The following PTGS1 variants were observed in gnomAD, a reference collection of about 807,000 sequenced individuals.
The protein encoded by PTGS1 is prostaglandin-endoperoxide synthase 1.
In PTGS1, 40 loss-of-function variants were observed where a neutral mutation model predicts 63.0. The observed-to-expected ratio is 0.63, with a 90% confidence interval of 0.49 to 0.83. The LOEUF (loss-of-function observed/expected upper bound fraction) is 0.83. PTGS1 is among the 40% of genes least tolerant of loss of function. PTGS1 has a pLI of 0.00. For missense variants in PTGS1, 709 were observed against 786.5 expected (o/e 0.90, Z 1.18); for synonymous variants, 298 against 301.9 (o/e 0.99, Z 0.13).
chr9:122,381,602 C>T (rs201340097), intron 6 of PTGS1, 50 bp downstream of exon 6: 31 of 1,612,788 alleles, frequency 1.9e-5, no homozygotes, highest in Admixed American at 5.0e-5. Flanking sequence ...ATTTGGCACG[C>T]GTATGTCATC....
rs538442576 is a variant in PTGS1 at position 122,381,745 on chromosome 9, C to T, written c.760C>T (p.Gln254Ter). Residue 254 changes from glutamine (Q) to a stop codon, truncating the protein, a stop_gained and splice_region_variant, in exon 7 of 11, where the codon CAG (glutamine) becomes TAG (stop). Coordinates refer to ENST00000362012, the MANE Select transcript of PTGS1 (RefSeq NM_000962.4). LOFTEE classifies it high-confidence loss of function. The part of the protein sequence containing the change: ...RLFKDGKLKY[Q>*]VLDGEMYPPS... Reference sequence around the variant, plus strand: ...CTTTAAGGATGGGAAACTCAAGTACCAGGTAGTGCTGGGCCAGGGGGTAGG... The same window carrying T: ...CTTTAAGGATGGGAAACTCAAGTACTAGGTAGTGCTGGGCCAGGGGGTAGG... 3 of 1,604,966 alleles carry T rather than the reference C, an allele frequency of 1.9e-6. No homozygotes were observed. The highest frequency in any genetic ancestry group is 2.2e-5 in the South Asian group (2 of 90,968).
In PTGS1 at chr9:122,393,731, T is replaced by G. The variant is rs1838421104; in HGVS notation, c.*1187T>G. On this transcript the variant is annotated 3_prime_UTR_variant, in exon 11 of 11. Coordinates refer to ENST00000362012, the MANE Select transcript of PTGS1 (RefSeq NM_000962.4). Reference sequence around the variant, plus strand: ...CCATTTCAAAACCAAGGAAGCAGCCTCAGAGTGGTCGAGTGACACACCTCA... The same window carrying G: ...CCATTTCAAAACCAAGGAAGCAGCCGCAGAGTGGTCGAGTGACACACCTCA... 2.0e-5 allele frequency: 3 copies of G among 152,230 alleles called. No homozygotes were observed. Among genetic ancestry groups the G allele is most frequent in the Admixed American group, 2.0e-4 (3 of 15,280 alleles). 9.4% of individuals were successfully genotyped at this position (152,230 alleles called of 1,614,324 possible). A position where few individuals can be genotyped will look rare whatever the true frequency, so the allele number is the denominator to read the frequency against.
chr9:122,383,809 A>T, intron 8 of PTGS1, 54 bp downstream of exon 8: 1 of 1,577,508 alleles, frequency 6.3e-7, no homozygotes, highest in South Asian at 1.1e-5. Context: ...CATCCTGAGA[A>T]GTTGGGGGCG....
chr9:122,379,514 C>A (rs1837387495), intron 5 of PTGS1, among the ~76,000 whole-genome samples: 1 of 152,236 alleles, frequency 6.6e-6, no homozygotes, highest in African/African-American at 2.4e-5. Context: ...CCAGTTCCTG[C>A]CACATGGTGG....
intron 2 of PTGS1, 31 bp from the exon 3 acceptor site, chr9:122,377,868 A>C (rs1249860621): frequency 6.3e-7 from 1 of 1,594,876 alleles, no homozygotes. Flanking sequence ...CCACCCTAGC[A>C]TGGTCTCTGA....
chr9:122,376,156 G>A (rs1354363438), intron 2 of PTGS1, among the ~76,000 whole-genome samples: 2 of 152,280 alleles, frequency 1.3e-5, no homozygotes, highest in African/African-American at 4.8e-5. Context: ...GGCGGGGGCT[G>A]GGGTACTGCC....
intron 2 of PTGS1, among the ~76,000 whole-genome samples, chr9:122,376,166 C>A (rs1313509717): frequency 6.6e-6 from 1 of 152,132 alleles, no homozygotes; most frequent in African/African-American, 2.4e-5. Context: ...GGGGTACTGC[C>A]AGGCCCTTTC....
rs200983255 is a variant in PTGS1, at chr9:122,378,424, C to A, written c.212-9C>A. On this transcript the variant is annotated splice_polypyrimidine_tract_variant and intron_variant, in intron 3 of 10. Transcript: ENST00000362012. ...GGGACCAACTGAGTGACTGCCATTGCCCCTGCAGCTGGCCTGTGGACCTGG... is the reference window on the plus strand; with the variant it reads ...GGGACCAACTGAGTGACTGCCATTGACCCTGCAGCTGGCCTGTGGACCTGG... 119 of 1,613,126 alleles carry A rather than the reference C, an allele frequency of 7.4e-5. No homozygotes were observed. In the African/African-American group the frequency reaches 1.5e-3, roughly 20 times the overall value.
At chr9:122,371,812 G>A in intron 2 of PTGS1, 1 of 1,534,234 alleles carries the variant, frequency 6.5e-7, no homozygotes, top group Non-Finnish European at 8.7e-7. Context: ...TCCCCATTGA[G>A]CAAATGAGGA....
At position 122,386,774 on chromosome 9, in the gene PTGS1, G is replaced by A. The variant is rs1317034521; in HGVS notation, c.1296+42G>A. On this transcript the variant is annotated intron_variant, in intron 9 of 10. Transcript: ENST00000362012. ...TGCTGGTGAGGGCAGGTGGGCTGAG[G>A]GATCCAGCAGACCTGGGTCCAAATT... is the stretch of plus-strand genomic sequence containing the variant. The A allele has an allele frequency of 1.6e-5, 26 of 1,599,558 alleles. No homozygotes were observed. In the Admixed American group the frequency reaches 4.0e-4, roughly 25 times the overall value.
At position 122,378,566 on chromosome 9, in the gene PTGS1, A is replaced by G. The variant is rs374026737; in HGVS notation, c.345A>G (p.Val115=). Residue 115 remains valine, a synonymous_variant, in exon 4 of 11, where the codon GTA becomes GTG. Coordinates refer to ENST00000362012, the MANE Select transcript of PTGS1 (RefSeq NM_000962.4). ...TCCGAGAGATGCTCATGCGCCTGGT[A>G]CTCACAGGTGGGTGTGGGGCAGGGC... ...TFIREMLMRL[V]LTVRSNLIPS... is the part of the protein sequence containing the mutation. 9.9e-6 allele frequency: 16 copies of G among 1,614,008 alleles called. No homozygotes were observed. Among genetic ancestry groups the G allele is most frequent in the Non-Finnish European group, 1.0e-5 (12 of 1,180,040 alleles).
intron 3 of PTGS1, 42 bp from the exon 4 acceptor site, chr9:122,378,391 T>G: frequency 6.2e-7 from 1 of 1,609,454 alleles, no homozygotes; most frequent in Non-Finnish European, 8.5e-7. Flanking sequence ...CTTCTGGTTC[T>G]GGTAGGAGGG....
intron 7 of PTGS1, among the ~76,000 whole-genome samples, chr9:122,382,986 G>A (rs1478201763): frequency 6.6e-6 from 1 of 152,128 alleles, no homozygotes; most frequent in Admixed American, 6.5e-5. Context: ...AAGCTTAGAG[G>A]TGGAGAACAG....
intron 10 of PTGS1, among the ~76,000 whole-genome samples, chr9:122,391,384 T>C (rs529253595): frequency 0.025 from 2,108 of 85,290 alleles, 67 homozygotes; most frequent in African/African-American, 0.16. Flanking sequence ...TATATATATA[T>C]ACATATATAT....
intron 9 of PTGS1, among the ~76,000 whole-genome samples, chr9:122,387,823 C>T (rs1039674504): frequency 1.3e-4 from 20 of 152,246 alleles, no homozygotes; most frequent in African/African-American, 4.6e-4. Flanking sequence ...TCTCCACATT[C>T]GGAAGCTCCC....
intron 10 of PTGS1, 147 bp from the exon 11 acceptor site, chr9:122,392,042 T>A: frequency 1.5e-6 from 1 of 668,844 alleles, no homozygotes; most frequent in Non-Finnish European, 2.5e-6. Context: ...CCATGCCAAA[T>A]TCTAGGGCAC....
Position 122,392,679 on chromosome 9 carries a change from T to C in PTGS1, c.*135T>C. On this transcript the variant is annotated 3_prime_UTR_variant, in exon 11 of 11. Coordinates refer to ENST00000362012, the MANE Select transcript of PTGS1 (RefSeq NM_000962.4). ...GTGTTGGGGTTGACATTTAGAACTT[T>C]AAGTCTCACCCATTATCTGGAATAT... The C allele has an allele frequency of 1.4e-6, 1 of 700,420 alleles. No individual in the cohort carries two copies. The allele number at this position is 700,420 out of a possible 1,614,324, so 43.4% of individuals were successfully genotyped here. A position where few individuals can be genotyped will look rare whatever the true frequency, so the allele number is the denominator to read the frequency against.
intron 9 of PTGS1, among the ~76,000 whole-genome samples, chr9:122,389,824 G>A (rs1415812401): frequency 6.6e-6 from 1 of 152,122 alleles, no homozygotes; most frequent in African/African-American, 2.4e-5. Flanking sequence ...AGCCAGGCAT[G>A]GTGGCACGTG....
At chr9:122,374,479 A>G (rs904536555) in intron 2 of PTGS1, among the ~76,000 whole-genome samples, 8 of 152,254 alleles carry the variant, frequency 5.3e-5, no homozygotes, top group African/African-American at 1.7e-4. Flanking sequence ...CCAAGCAACT[A>G]CTTGGTGCCT....
Sources: gnomAD v4.1 joint callset for allele counts (sites outside exome capture counted in the v4.1 genomes callset) on GRCh38, gnomAD v4.1.1 for gene constraint, MANE v1.5 for transcripts, NCBI Gene and HGNC (gene_info 2026-07-23, HGNC 2026-07-21) for gene names.